Variants in LTBP4 observed in about 807,000 individuals in gnomAD.
LTBP4 encodes the protein latent transforming growth factor beta binding protein 4.
LTBP4 carries 93 observed loss-of-function variants against 180.2 expected under a neutral mutation model. The ratio of observed to expected loss-of-function variants is 0.52; its 90% confidence interval spans 0.44 to 0.61. The LOEUF (loss-of-function observed/expected upper bound fraction) is 0.61, where lower values mean the gene tolerates loss of function less well. Among genes scored for constraint, LTBP4 ranks in the 20% least tolerant of loss-of-function variants. The pLI is 0.00. For missense variants in LTBP4, 2,116 were observed against 2,256.5 expected, an observed-to-expected ratio of 0.94 and a Z score of 1.26; for synonymous variants, 947 against 934.5, an observed-to-expected ratio of 1.01 and a Z score of -0.24.
At position 40,604,977 on chromosome 19, in the gene LTBP4, C is replaced by T. The variant is rs1387069183; in HGVS notation, c.251-58C>T. ...GAATGATACCTTGAGGGAGTAGGGA[C>T]CCCAGGAGAACCTGCCAGGAATGGT... On this transcript the variant is annotated intron_variant, in intron 1 of 29. Coordinates refer to ENST00000396819, the MANE Select transcript of LTBP4 (RefSeq NM_001042545.2). 10 of 1,495,956 alleles carry T rather than the reference C, an allele frequency of 6.7e-6. No individual in the cohort carries two copies. The South Asian group carries it at 1.0e-4, about 16-fold the overall frequency. The allele number at this position is 1,495,956 out of a possible 1,614,324, so 92.7% of individuals were successfully genotyped here.
chr19:40,617,186 C>T lies in LTBP4; in HGVS notation c.3031C>T (p.Gln1011Ter), dbSNP rs764744871. The T allele has an allele frequency of 1.9e-6, 3 of 1,613,782 alleles. No individual in the cohort carries two copies. The highest frequency in any genetic ancestry group is 2.5e-6 in the Non-Finnish European group (3 of 1,179,828). Reference protein sequence around the residue: ...LPGSFQCLCDQGYEGARDGRH... With the variant: ...LPGSFQCLCD ...CGGCTCCTTCCAGTGCCTCTGTGAC[C>T]AGGGTTACGAGGGGGCACGGGATGG... Residue 1011 changes from glutamine (Q) to a stop codon, truncating the protein, a stop_gained, in exon 21 of 30, where the codon CAG (glutamine) becomes TAG (stop). Coordinates refer to ENST00000396819, the MANE Select transcript of LTBP4 (RefSeq NM_001042545.2). LOFTEE classifies it high-confidence loss of function.
At position 40,625,295 on chromosome 19, in the gene LTBP4, TATATATATATATATATA is replaced by T. The variant is rs1568414519; in HGVS notation, c.3833-561_3833-545del. On this transcript the variant is annotated intron_variant, in intron 26 of 29. Coordinates refer to ENST00000396819, the MANE Select transcript of LTBP4 (RefSeq NM_001042545.2). Reference sequence around the variant, plus strand: ...ATATATATATATATATATATATATATATATATATATATATATATATATTTTTTTTTTTAAAGATGGGT... The same window carrying T: ...ATATATATATATATATATATATATATTATATTTTTTTTTTTAAAGATGGGT... 2.7e-3 allele frequency among the ~76,000 whole-genome samples: 40 copies of T among 15,032 alleles called. 8 individuals carry two copies. In the African/African-American group the frequency reaches 0.028, roughly 11 times the overall value. 9.9% of individuals were successfully genotyped at this position (15,032 alleles called of 152,430 possible).
rs1196363603 is a variant in LTBP4 at position 40,609,673 on chromosome 19, G to C, written c.1558+12G>C. ...CACCCGATGCATTGGTGAGCAAGAC[G>C]GAGGGCGCGGAAGGAGGCGGGGCGG... On this transcript the variant is annotated intron_variant, in intron 10 of 29. Transcript: ENST00000396819. This position sits in a 1 kb window ranked among gnomAD's most constrained non-coding sequence, Gnocchi z 4.9. The C allele has an allele frequency of 1.9e-6, 3 of 1,612,280 alleles. No individual in the cohort carries two copies. The highest frequency in any genetic ancestry group is 1.7e-5 in the Admixed American group (1 of 59,952).
intron 11 of LTBP4, chr19:40,610,110 GT>G (rs1231351852): frequency 3.6e-6 from 2 of 548,672 alleles, no homozygotes; most frequent in Non-Finnish European, 6.2e-6. Flanking sequence ...GTCGCAACTC[GT>G]ATTGCTCCGC....
chr19:40,618,927 C>T (rs1435335979), intron 21 of LTBP4, among the ~76,000 whole-genome samples: 1 of 152,134 alleles, frequency 6.6e-6, no homozygotes, highest in Non-Finnish European at 1.5e-5. Flanking sequence ...TTATTTTTCA[C>T]AATGATGAAG....
chr19:40,618,491 C>T (rs1371973460), intron 21 of LTBP4, among the ~76,000 whole-genome samples: 1 of 151,966 alleles, frequency 6.6e-6, no homozygotes, highest in African/African-American at 2.4e-5. Flanking sequence ...GAACTCCTGA[C>T]CTTAGGTGAT....
At chr19:40,614,169 C>T in intron 18 of LTBP4, 131 bp downstream of exon 18, 1 of 1,446,092 alleles carries the variant, frequency 6.9e-7, no homozygotes, top group Non-Finnish European at 9.4e-7. Context: ...CCTCTCCTAG[C>T]CTCCCCAACT....
chr19:40,601,611 C>T lies in LTBP4; in HGVS notation c.224C>T (p.Ala75Val), dbSNP rs1412004529. The change falls in exon 1 of 30, where the codon GCC (alanine) becomes GTC (valine). Residue 75 changes from alanine (A) to valine (V), a missense_variant. Physicochemically the swap from Ala to Val is moderately conservative, Grantham distance 64. Coordinates refer to ENST00000396819, the MANE Select transcript of LTBP4 (RefSeq NM_001042545.2). ...GACAGCGGCGCTCCCGGCGGGGCGG[C>T]CCCGGGGGGACCCGGCTTCCGCGCC... ...SVDSGAPGGA[A>V]PGGPGFRAFL... The T allele has an allele frequency of 4.3e-6, 6 of 1,384,860 alleles. No individual in the cohort carries two copies. In the South Asian group the frequency reaches 8.2e-5, roughly 19 times the overall value. The allele number at this position is 1,384,860 out of a possible 1,614,324, so 85.8% of individuals were successfully genotyped here. A position where few individuals can be genotyped will look rare whatever the true frequency, so the allele number is the denominator to read the frequency against.
chr19:40,606,403 G>A lies in LTBP4; in HGVS notation c.869-1G>A. ...CACGGTGACCTCCCCAACCCTGGCA[G>A]ATGTGGATGAGTGCGCGACTGGCGG... On this transcript the variant is annotated splice_acceptor_variant, in intron 5 of 29. Coordinates refer to ENST00000396819, the MANE Select transcript of LTBP4 (RefSeq NM_001042545.2). LOFTEE classifies it high-confidence loss of function. 1 of 1,606,426 alleles carries A rather than the reference G, an allele frequency of 6.2e-7. No homozygotes were observed. The highest frequency in any genetic ancestry group is 1.3e-5 in the African/African-American group (1 of 74,950).
At chr19:40,615,543 A>C (rs1283696948) in intron 19 of LTBP4, among the ~76,000 whole-genome samples, 2 of 152,146 alleles carry the variant, frequency 1.3e-5, no homozygotes, top group Non-Finnish European at 2.9e-5. Context: ...ATGGATCACG[A>C]GGTCAGGAGA....
chr19:40,621,279 TC>T (rs2081584719), intron 22 of LTBP4, among the ~76,000 whole-genome samples: 1 of 151,926 alleles, frequency 6.6e-6, no homozygotes. Context: ...CCTCTGTCCC[TC>T]CCCCATCTAG....
intron 22 of LTBP4, among the ~76,000 whole-genome samples, chr19:40,621,238 C>T (rs34506723): frequency 0.016 from 2,488 of 152,000 alleles, 23 homozygotes; most frequent in Middle Eastern, 0.065. Flanking sequence ...CCACCATGCT[C>T]GGCCCAACAG....
upstream of LTBP4, among the ~76,000 whole-genome samples, chr19:40,598,856 G>C (rs1037904747): frequency 1.3e-5 from 2 of 152,190 alleles, no homozygotes; most frequent in African/African-American, 4.8e-5. Flanking sequence ...GACAGTGCGG[G>C]CTTAGAAATG....
intron 11 of LTBP4, 31 bp from the exon 12 acceptor site, chr19:40,610,501 C>T (rs2081497715): frequency 1.3e-6 from 2 of 1,574,402 alleles, no homozygotes; most frequent in African/African-American, 2.7e-5. Context: ...GCTGTCTGCC[C>T]CAGTCCCAGC....
chr19:40,610,710 G>A, intron 12 of LTBP4, 53 bp downstream of exon 12: 1 of 1,537,882 alleles, frequency 6.5e-7, no homozygotes, highest in Non-Finnish European at 8.7e-7. Flanking sequence ...TGGGTAGAGC[G>A]CAGTGATGAG....
rs1348917268 is a variant in LTBP4, at chr19:40,601,459, A to G, written c.72A>G (p.Gly24=). 20 of 1,487,468 alleles carry G rather than the reference A, an allele frequency of 1.3e-5. No homozygotes were observed. The highest frequency in any genetic ancestry group is 1.8e-5 in the Non-Finnish European group (20 of 1,124,836). The allele number at this position is 1,487,468 out of a possible 1,614,324, so 92.1% of individuals were successfully genotyped here. ...TGGCGCAGCTAGGGCCGCAGCCTGG[A>G]CTGGGCCGGCTCGGAGAGCGTCTCC... The part of the protein sequence containing the change: ...VLLAQLGPQP[G]LGRLGERLRV... The change falls in exon 1 of 30, where the codon GGA becomes GGG. Residue 24 remains glycine, a synonymous_variant. Transcript: ENST00000396819.
At chr19:40,614,199 T>C (rs2081530249) in intron 18 of LTBP4, 116 bp from the exon 19 acceptor site, 7 of 1,439,228 alleles carry the variant, frequency 4.9e-6, no homozygotes, top group Non-Finnish European at 6.6e-6. Flanking sequence ...CCCAATCTTC[T>C]CCTGCCCTCT....
At chr19:40,621,836 C>G (rs56962332) in intron 22 of LTBP4, among the ~76,000 whole-genome samples, 1 of 151,636 alleles carries the variant, frequency 6.6e-6, no homozygotes, top group Non-Finnish European at 1.5e-5. Context: ...GCAACTTCCG[C>G]TCCCGGGTTC....
rs778833858 is a variant in LTBP4 at position 40,605,367 on chromosome 19, C to T, written c.443-38C>T. 9 of 1,608,572 alleles carry T rather than the reference C, an allele frequency of 5.6e-6. No homozygotes were observed. The African/African-American group carries it at 1.1e-4, about 19-fold the overall frequency. On this transcript the variant is annotated intron_variant, in intron 2 of 29. Coordinates refer to ENST00000396819, the MANE Select transcript of LTBP4 (RefSeq NM_001042545.2). This position sits in a 1 kb window ranked among gnomAD's most constrained non-coding sequence, Gnocchi z 5.5. ...TGTCTAGCCCCACCCCGTAAGAACC[C>T]GTGTAGACATCCGTTTGCCCGGCCG...
Sources: gnomAD v4.1 joint callset for allele counts (sites outside exome capture counted in the v4.1 genomes callset) on GRCh38, gnomAD v4.1.1 for gene constraint, Gnocchi (gnomAD v3.1) non-coding constraint, MANE v1.5 for transcripts, NCBI Gene and HGNC (gene_info 2026-07-23, HGNC 2026-07-21) for gene names.